SMPX: variants seen among roughly 807,000 people sequenced by gnomAD.
The protein encoded by SMPX is small muscular protein.
In SMPX, 2 loss-of-function variants were observed where a neutral mutation model predicts 6.3. That is an observed-to-expected ratio of 0.32 (90% CI 0.13 to 0.99). The LOEUF is 0.99. SMPX is among the 50% of genes least tolerant of loss of function. SMPX has a pLI of 0.49. For synonymous variants in SMPX, 32 were observed against 24.7 expected (o/e 1.30, Z -0.88); for missense variants, 60 against 66.8 (o/e 0.90, Z 0.36).
rs1569306507 is a variant in SMPX at position 21,731,482 on chromosome X, T to TGTGTGTATGTGTACACATACAC, written c.*14+6066_*14+6067insGTGTATGTGTACACATACACAC. ...TGTGTGTATGTGTACACATACACAT[T>TGTGTGTATGTGTACACATACAC]ATGTGTGTATGTGTACACATACACA... On this transcript the variant is annotated intron_variant, in intron 4 of 4. Coordinates refer to ENST00000379494, the MANE Select transcript of SMPX (RefSeq NM_014332.3). Among the ~76,000 whole-genome samples the TGTGTGTATGTGTACACATACAC allele has an allele frequency of 5.3e-5, 3 of 56,358 alleles. 1 individual carries two copies. Among genetic ancestry groups the TGTGTGTATGTGTACACATACAC allele is most frequent in the Non-Finnish European group, 9.8e-5 (3 of 30,630 alleles). 48.9% of individuals were successfully genotyped at this position (56,358 alleles called of 115,157 possible).
Position 21,719,878 on chromosome X carries a change from T to C in SMPX, c.*15-13484A>G, listed in dbSNP as rs185415080. On this transcript the variant is annotated intron_variant, in intron 4 of 4. Transcript: ENST00000379494. ...ATAATCTTCCTAATCTCCCCAAAGA[T>C]AAACAACTTTTGGTGTTTTAAATAA... Among the ~76,000 whole-genome samples the C allele has an allele frequency of 2.9e-3, 327 of 112,472 alleles. 1 individual carries two copies. The highest frequency in any genetic ancestry group is 7.5e-3 in the South Asian group (20 of 2,672).
chrX:21,706,842 C>T (rs1402385949), intron 4 of SMPX, among the ~76,000 whole-genome samples: 1 of 110,171 alleles, frequency 9.1e-6, no homozygotes, highest in East Asian at 2.8e-4. Context: ...CCCCGTTTTG[C>T]TCTGCACTTC....
intron 1 of SMPX, among the ~76,000 whole-genome samples, 195 bp downstream of exon 1, chrX:21,757,747 C>G (rs2092834433): frequency 9.0e-6 from 1 of 111,172 alleles, no homozygotes; most frequent in African/African-American, 3.3e-5. Context: ...TTGCCTAGTT[C>G]AATATTCTTT....
At chrX:21,730,806 T>C (rs984697009) in intron 4 of SMPX, among the ~76,000 whole-genome samples, 9 of 112,370 alleles carry the variant, frequency 8.0e-5, no homozygotes, top group African/African-American at 2.9e-4. Context: ...ATTGTTATAG[T>C]GTTTATACAA....
chrX:21,731,706 A>ATATGTGTC (rs1555973434), intron 4 of SMPX, among the ~76,000 whole-genome samples: 1 of 102,259 alleles, frequency 9.8e-6, no homozygotes, highest in Non-Finnish European at 2.0e-5. Context: ...ATAAATGTGT[A>ATATGTGTC]TATGTGTATA....
intron 4 of SMPX, among the ~76,000 whole-genome samples, chrX:21,716,804 A>T (rs191895534): frequency 8.9e-6 from 1 of 111,821 alleles, no homozygotes; most frequent in East Asian, 2.8e-4. Flanking sequence ...AGTGGAAAAT[A>T]GGATTTCTTG....
In SMPX at chrX:21,731,508, T is replaced by TAATGTGTG. The variant is rs1388337051; in HGVS notation, c.*14+6040_*14+6041insCACACATT. ...ATGTGTGTATGTGTACACATACACATTATGTGTGTATGTGTACACATACAC... is the reference window on the plus strand; with the variant it reads ...ATGTGTGTATGTGTACACATACACATAATGTGTGTATGTGTGTATGTGTACACATACAC... On this transcript the variant is annotated intron_variant, in intron 4 of 4. Coordinates refer to ENST00000379494, the MANE Select transcript of SMPX (RefSeq NM_014332.3). 6.2e-5 allele frequency among the ~76,000 whole-genome samples: 5 copies of TAATGTGTG among 81,205 alleles called. 2 individuals are homozygous for TAATGTGTG. Among genetic ancestry groups the TAATGTGTG allele is most frequent in the African/African-American group, 1.9e-4 (4 of 21,032 alleles). 70.5% of individuals were successfully genotyped at this position (81,205 alleles called of 115,157 possible). A position where few individuals can be genotyped will look rare whatever the true frequency, so the allele number is the denominator to read the frequency against.
At position 21,743,762 on chromosome X, in the gene SMPX, A is replaced by C. The variant is rs1220458836; in HGVS notation, c.120T>G (p.Pro40=). The C allele has an allele frequency of 3.3e-6, 4 of 1,205,759 alleles. No homozygotes were observed. In the South Asian group the frequency reaches 5.3e-5, roughly 16 times the overall value. ...GQPPRRKECT[P]EVEEGVPPTS... ...GAGTTTTCCTCACCTCCTCCACTTC[A>C]GGAGTACATTCTTTTCTTCTGGGGG... Residue 40 remains proline (P), a synonymous_variant, in exon 3 of 5, where the codon CCT becomes CCG. Coordinates refer to ENST00000379494, the MANE Select transcript of SMPX (RefSeq NM_014332.3).
chrX:21,745,774 G>A (rs2092820839), intron 2 of SMPX, among the ~76,000 whole-genome samples: 1 of 111,716 alleles, frequency 9.0e-6, no homozygotes, highest in East Asian at 2.8e-4. Flanking sequence ...CTTCCTAACG[G>A]TGAGCTCAAG....
rs913930199 is a variant in SMPX, at chrX:21,720,626, G to A, written c.*15-14232C>T. Among the ~76,000 whole-genome samples, 12 of 112,522 alleles carry A rather than the reference G, an allele frequency of 1.1e-4. No homozygotes were observed. The Admixed American group carries it at 1.1e-3, about 11-fold the overall frequency. ...AATTGATGGAAACCATGAAAAGTTC[G>A]TGTTTAGTGTGACATGTCAAAAACT... On this transcript the variant is annotated intron_variant, in intron 4 of 4. Coordinates refer to ENST00000379494, the MANE Select transcript of SMPX (RefSeq NM_014332.3).
intron 4 of SMPX, among the ~76,000 whole-genome samples, chrX:21,732,932 G>A (rs2092806457): frequency 9.0e-6 from 1 of 111,503 alleles, no homozygotes; most frequent in Admixed American, 9.5e-5. Flanking sequence ...GCAAGAATAT[G>A]GCCATCTGCA....
At chrX:21,754,367 G>T (rs571727006) in intron 1 of SMPX, 65 bp from the exon 2 acceptor site, 1 of 865,501 alleles carries the variant, frequency 1.2e-6, no homozygotes, top group Non-Finnish European at 1.7e-6. Context: ...TGATAAATTA[G>T]AATTTAACTC....
chrX:21,740,806 C>A (rs2092815190), intron 3 of SMPX, among the ~76,000 whole-genome samples: 1 of 112,302 alleles, frequency 8.9e-6, no homozygotes, highest in Non-Finnish European at 1.9e-5. Flanking sequence ...TAAATGTTTG[C>A]ATCTTGTAAA....
At chrX:21,721,566 GAC>G (rs1450528513) in intron 4 of SMPX, among the ~76,000 whole-genome samples, 2 of 112,234 alleles carry the variant, frequency 1.8e-5, no homozygotes, top group Non-Finnish European at 3.8e-5. Flanking sequence ...CTCAGACCAA[GAC>G]ACACATCAGG....
At chrX:21,714,609 C>A (rs2092782230) in intron 4 of SMPX, among the ~76,000 whole-genome samples, 1 of 112,146 alleles carries the variant, frequency 8.9e-6, no homozygotes, top group African/African-American at 3.2e-5. Flanking sequence ...CCACCCTCAT[C>A]ATTTATACTG....
chrX:21,733,070 C>T (rs774959006), intron 4 of SMPX, among the ~76,000 whole-genome samples: 8 of 111,538 alleles, frequency 7.2e-5, no homozygotes, highest in Admixed American at 2.9e-4. Flanking sequence ...TTTGTTATAG[C>T]GGACCGAGCA....
At chrX:21,708,555 T>A (rs1404155037) in intron 4 of SMPX, among the ~76,000 whole-genome samples, 1 of 112,153 alleles carries the variant, frequency 8.9e-6, no homozygotes, top group East Asian at 2.8e-4. Flanking sequence ...AGCTGGTAGA[T>A]AGAAAAGCTG....
At chrX:21,742,852 A>T (rs1049266608) in intron 3 of SMPX, among the ~76,000 whole-genome samples, 1 of 112,451 alleles carries the variant, frequency 8.9e-6, no homozygotes, top group Non-Finnish European at 1.9e-5. Flanking sequence ...TAAACTTAAA[A>T]AGCCTTTTTA....
intron 4 of SMPX, among the ~76,000 whole-genome samples, chrX:21,715,839 G>A (rs1166115902): frequency 9.0e-6 from 1 of 111,530 alleles, no homozygotes; most frequent in African/African-American, 3.3e-5. Flanking sequence ...GGCCAGGGAT[G>A]CTGCTAACTA....
Sources: allele counts gnomAD v4.1 joint callset (sites outside exome capture counted in the v4.1 genomes callset), GRCh38; gene constraint gnomAD v4.1.1; transcripts MANE v1.5; gene names NCBI Gene and HGNC (gene_info 2026-07-23, HGNC 2026-07-21).